MED21: variants seen among roughly 807,000 people sequenced by gnomAD.
MED21 encodes the protein mediator of RNA polymerase II transcription subunit 21.
A neutral mutation model predicts 18.2 loss-of-function variants in MED21; 9 were observed. The ratio of observed to expected loss-of-function variants is 0.49; its 90% CI spans 0.30 to 0.86. The LOEUF is 0.86. MED21 is among the 40% of genes least tolerant of loss of function. MED21 has a pLI of 0.07. For missense variants in MED21, 150 were observed against 170.9 expected (o/e 0.88, Z 0.68); for synonymous variants, 73 against 60.5 (o/e 1.21, Z -0.96).
At chr12:27,023,002 T>C in intron 1 of MED21, 4 of 822,976 alleles carry the variant, frequency 4.9e-6, no homozygotes, top group Non-Finnish European at 4.8e-6. Flanking sequence ...AGCTTTTTTC[T>C]TTCCTCATCA....
In MED21 at chr12:27,027,413, C is replaced by A; in HGVS notation, c.224C>A (p.Ser75Tyr). Residue 75 changes from serine (S) to tyrosine (Y), a missense_variant, in exon 3 of 4, where the codon TCC (serine) becomes TAC (tyrosine). By Grantham distance (144) the Ser-to-Tyr change is moderately radical. Transcript: ENST00000282892. ...AAAGACATTGATGTTTTGATAGATT[C>A]CTTACCCAGTGAAGAATCTACAGCT... is the stretch of plus-strand genomic sequence containing the variant. ...TAKDIDVLIDSLPSEESTAAL... is the reference protein window; with the variant it reads ...TAKDIDVLIDYLPSEESTAAL... The A allele has an allele frequency of 2.5e-6, 4 of 1,613,648 alleles. No individual in the cohort carries two copies. Among genetic ancestry groups the A allele is most frequent in the Non-Finnish European group, 3.4e-6 (4 of 1,179,778 alleles).
At position 27,029,258 on chromosome 12, in the gene MED21, T is replaced by C. The variant is rs1941585405; in HGVS notation, c.*797T>C. On this transcript the variant is annotated 3_prime_UTR_variant, in exon 4 of 4. Coordinates refer to ENST00000282892, the MANE Select transcript of MED21 (RefSeq NM_004264.5). Reference sequence around the variant, plus strand: ...TTTGCCCTTATTAACCTCTCAACTTTTATTGCTGTATTCTAGTCAGACCAG... The same window carrying C: ...TTTGCCCTTATTAACCTCTCAACTTCTATTGCTGTATTCTAGTCAGACCAG... 2.0e-6 allele frequency: 2 copies of C among 985,392 alleles called. No homozygotes were observed. Among genetic ancestry groups the C allele is most frequent in the East Asian group, 1.1e-4 (1 of 8,824 alleles). The allele number at this position is 985,392 out of a possible 1,614,324, so 61.0% of individuals were successfully genotyped here.
At position 27,027,676 on chromosome 12, in the gene MED21, T is replaced by C. The variant is rs770076721; in HGVS notation, c.258+229T>C. 3.9e-4 allele frequency among the ~76,000 whole-genome samples: 59 copies of C among 152,206 alleles called. 1 individual carries two copies. The highest frequency in any genetic ancestry group is 8.2e-4 in the Non-Finnish European group (56 of 68,022). On this transcript the variant is annotated intron_variant, in intron 3 of 3. Transcript: ENST00000282892. ...ATGAGTAATGAATTTTTATTAAACA[T>C]GGTGCCATGTTTAGGGCCATGTTGA...
intron 1 of MED21, among the ~76,000 whole-genome samples, chr12:27,024,933 A>G (rs551073260): frequency 2.6e-5 from 4 of 152,360 alleles, no homozygotes; most frequent in African/African-American, 9.6e-5. Context: ...CATTTATCCT[A>G]ATCAGAATTA....
Position 27,028,768 on chromosome 12 carries a change from C to A in MED21, c.*307C>A. 4.9e-6 allele frequency: 5 copies of A among 1,027,126 alleles called. No homozygotes were observed. Among genetic ancestry groups the A allele is most frequent in the Non-Finnish European group, 5.9e-6 (5 of 854,054 alleles). 63.6% of individuals were successfully genotyped at this position (1,027,126 alleles called of 1,614,324 possible). On this transcript the variant is annotated 3_prime_UTR_variant, in exon 4 of 4. Coordinates refer to ENST00000282892, the MANE Select transcript of MED21 (RefSeq NM_004264.5). ...AATTCTGTTATGACATAATTTATGTCTCCATTTTGTTGTATTGGCCAGTAC... is the reference window on the plus strand; with the variant it reads ...AATTCTGTTATGACATAATTTATGTATCCATTTTGTTGTATTGGCCAGTAC...
chr12:27,034,852 G>C (rs1941639877), downstream of MED21, among the ~76,000 whole-genome samples: 1 of 152,172 alleles, frequency 6.6e-6, no homozygotes, highest in East Asian at 1.9e-4. Context: ...CCGGGTCCAA[G>C]TGCTTCTTAT....
chr12:27,023,457 C>T (rs1182320125), intron 1 of MED21, among the ~76,000 whole-genome samples: 2 of 151,852 alleles, frequency 1.3e-5, no homozygotes, highest in East Asian at 3.9e-4. Context: ...CCACCACGCC[C>T]GGCTAATGTT....
At chr12:27,036,095 C>A (rs966298410) in intron 2 of MED21, among the ~76,000 whole-genome samples, 17 of 152,204 alleles carry the variant, frequency 1.1e-4, no homozygotes, top group Admixed American at 6.5e-4. Flanking sequence ...TCCTCTCCAG[C>A]ACCTGTTGTT....
downstream of MED21, among the ~76,000 whole-genome samples, chr12:27,032,563 C>A (rs972890518): frequency 1.3e-5 from 2 of 152,206 alleles, no homozygotes; most frequent in African/African-American, 2.4e-5. Context: ...TACATGGCCA[C>A]TGACTACAGT....
At chr12:27,037,252 G>T (rs557956136) in intron 2 of MED21, 1 of 151,420 alleles carries the variant, frequency 6.6e-6, no homozygotes, top group African/African-American at 2.4e-5. Flanking sequence ...GTCTGTTATC[G>T]GTGTATAAGA....
rs1941571765 is a variant in MED21, at chr12:27,028,323, A to G, written c.297A>G (p.Glu99=). 1 of 1,614,132 alleles carries G rather than the reference A, an allele frequency of 6.2e-7. No individual in the cohort carries two copies. Among genetic ancestry groups the G allele is most frequent in the Non-Finnish European group, 8.5e-7 (1 of 1,179,978 alleles). Residue 99 remains glutamate, a synonymous_variant, in exon 4 of 4, where the codon GAA becomes GAG. Transcript: ENST00000282892. ...ATAAGCTAGAAGAAGAAAACCATGA[A>G]GCTGCTACATGTCTGGAGGATGTTG... is the stretch of plus-strand genomic sequence containing the variant. ...SLYKLEEENH[E]AATCLEDVVY... is the part of the protein sequence containing the mutation.
intron 1 of MED21, among the ~76,000 whole-genome samples, chr12:27,026,039 T>C (rs751995470): frequency 1.1e-4 from 16 of 152,198 alleles, no homozygotes; most frequent in Non-Finnish European, 1.8e-4. Flanking sequence ...GCCATAGATA[T>C]TTACAAGTCA....
rs1941598869 is a variant in MED21 at position 27,030,090 on chromosome 12, T to C, written c.*1629T>C. 1 of 484,090 alleles carries C rather than the reference T, an allele frequency of 2.1e-6. No individual in the cohort carries two copies. Among genetic ancestry groups the C allele is most frequent in the Non-Finnish European group, 3.7e-6 (1 of 268,572 alleles). The allele number at this position is 484,090 out of a possible 1,614,324, so 30.0% of individuals were successfully genotyped here. ...TTATTTGAAAGAAAAAAATTAACGT[T>C]GTTGTATGTGATTCTCTGTAGAGGA... On this transcript the variant is annotated 3_prime_UTR_variant, in exon 4 of 4. Transcript: ENST00000282892.
At position 27,029,802 on chromosome 12, in the gene MED21, T is replaced by A; in HGVS notation, c.*1341T>A. The stretch of plus-strand genomic sequence containing the variant: ...TTATAGTTTTGGGGGGAGAGAAGAT[T>A]CAGTCAGAAAACTTATTCAAAGTAC... On this transcript the variant is annotated 3_prime_UTR_variant, in exon 4 of 4. Coordinates refer to ENST00000282892, the MANE Select transcript of MED21 (RefSeq NM_004264.5). The A allele has an allele frequency of 1.0e-6, 1 of 991,380 alleles. No individual in the cohort carries two copies. The highest frequency in any genetic ancestry group is 1.2e-6 in the Non-Finnish European group (1 of 833,618). The allele number at this position is 991,380 out of a possible 1,614,324, so 61.4% of individuals were successfully genotyped here.
chr12:27,023,816 T>C (rs1018878495), intron 1 of MED21, among the ~76,000 whole-genome samples: 1 of 152,192 alleles, frequency 6.6e-6, no homozygotes, highest in African/African-American at 2.4e-5. Flanking sequence ...TTTTTTGTTT[T>C]AATAAGTAGA....
chr12:27,038,223 A>G (rs568526780), intron 2 of MED21: 127 of 152,330 alleles, frequency 8.3e-4, no homozygotes, highest in African/African-American at 2.9e-3. Context: ...AGGCTTCCCA[A>G]AAAACAATAT....
rs1257264936 is a variant in MED21 at position 27,028,872 on chromosome 12, G to A, written c.*411G>A. 1.0e-6 allele frequency: 1 copy of A among 986,802 alleles called. No individual in the cohort carries two copies. The allele number at this position is 986,802 out of a possible 1,614,324, so 61.1% of individuals were successfully genotyped here. ...ATAAGGGACATTTTAGTTTGGGCTA[G>A]TGTCCTGCCTCTTAGAGGTGGCATT... On this transcript the variant is annotated 3_prime_UTR_variant, in exon 4 of 4. Coordinates refer to ENST00000282892, the MANE Select transcript of MED21 (RefSeq NM_004264.5).
chr12:27,023,169 G>C (rs944473036), intron 1 of MED21, among the ~76,000 whole-genome samples: 30 of 151,874 alleles, frequency 2.0e-4, no homozygotes, highest in African/African-American at 6.8e-4. Flanking sequence ...TCGTTCCTTT[G>C]GGCCCAGAGT....
At chr12:27,035,405 T>C (rs1394422032), downstream of MED21, among the ~76,000 whole-genome samples, 4 of 71,380 alleles carry the variant, frequency 5.6e-5, no homozygotes, top group South Asian at 7.5e-4. Flanking sequence ...CTAAATCTCT[T>C]TTTTTTTTTT....
Sources: allele counts gnomAD v4.1 joint callset (sites outside exome capture counted in the v4.1 genomes callset), GRCh38; gene constraint gnomAD v4.1.1; transcripts MANE v1.5; gene names NCBI Gene and HGNC (gene_info 2026-07-23, HGNC 2026-07-21).